Variants in TEAD1 observed in about 807,000 individuals in gnomAD.
TEAD1 encodes the protein transcriptional enhancer factor TEF-1.
TEAD1 carries 9 observed loss-of-function variants against 54.9 expected under a neutral mutation model. The ratio of observed to expected loss-of-function variants is 0.16; its 90% CI spans 0.10 to 0.29. The LOEUF is 0.29. Ranked by LOEUF, TEAD1 falls within the 10% of genes least tolerant of loss-of-function variation. TEAD1 has a pLI of 1.00. For missense variants in TEAD1, 387 were observed against 535.9 expected, an observed-to-expected ratio of 0.72 and a Z score of 2.74; for synonymous variants, 200 against 187.8, an observed-to-expected ratio of 1.07 and a Z score of -0.53.
intron 4 of TEAD1, among the ~76,000 whole-genome samples, chr11:12,863,022 AAGG>A (rs902101674): frequency 2.6e-5 from 4 of 152,102 alleles, no homozygotes; most frequent in African/African-American, 9.7e-5. Flanking sequence ...AAAAAAAAGA[AAGG>A]AGGAAAAAAA....
At chr11:12,918,661 C>T (rs531818514) in intron 10 of TEAD1, among the ~76,000 whole-genome samples, 3 of 152,280 alleles carry the variant, frequency 2.0e-5, no homozygotes, top group East Asian at 3.9e-4. Flanking sequence ...CCAACAGAAA[C>T]ACATCCATAT....
intron 2 of TEAD1, among the ~76,000 whole-genome samples, chr11:12,735,125 A>T (rs182241833): frequency 6.6e-6 from 1 of 152,232 alleles, no homozygotes. Context: ...CATTAGGGCC[A>T]GGCAGAAGTT....
At chr11:12,681,890 A>G (rs1475039028) in intron 2 of TEAD1, among the ~76,000 whole-genome samples, 1 of 152,194 alleles carries the variant, frequency 6.6e-6, no homozygotes, top group Admixed American at 6.5e-5. Flanking sequence ...GATGGTTCTG[A>G]CTGAAACCCA....
chr11:12,869,396 C>T (rs1325682275), intron 5 of TEAD1, among the ~76,000 whole-genome samples: 2 of 152,162 alleles, frequency 1.3e-5, no homozygotes, highest in Non-Finnish European at 2.9e-5. Context: ...TGCTCTCTGC[C>T]TGCTCTGTAG....
intron 10 of TEAD1, among the ~76,000 whole-genome samples, chr11:12,924,594 A>T (rs1434742168): frequency 6.6e-6 from 1 of 152,168 alleles, no homozygotes; most frequent in Admixed American, 6.5e-5. Context: ...AATCCAATTA[A>T]TATCCTGCTT....
In TEAD1 at chr11:12,681,156, C is replaced by T. The variant is rs147980387; in HGVS notation, c.-55+5595C>T. On this transcript the variant is annotated intron_variant, in intron 2 of 12. Transcript: ENST00000527636. Reference sequence around the variant, plus strand: ...ATCAGCCCCATCTTGAAATCCTGGGCACTTAGAAGACCTTGTCATGTATTG... The same window carrying T: ...ATCAGCCCCATCTTGAAATCCTGGGTACTTAGAAGACCTTGTCATGTATTG... Among the ~76,000 whole-genome samples, 53 of 152,248 alleles carry T rather than the reference C, an allele frequency of 3.5e-4. 1 individual carries two copies. The East Asian group carries it at 9.3e-3, about 27-fold the overall frequency.
chr11:12,899,762 C>T (rs1948388792), intron 9 of TEAD1, among the ~76,000 whole-genome samples: 1 of 152,182 alleles, frequency 6.6e-6, no homozygotes, highest in Non-Finnish European at 1.5e-5. Flanking sequence ...TCTCTTTCAC[C>T]TCACCTGATA....
At chr11:12,874,107 A>G (rs1427531658) in intron 5 of TEAD1, among the ~76,000 whole-genome samples, 1 of 152,210 alleles carries the variant, frequency 6.6e-6, no homozygotes, top group Admixed American at 6.5e-5. Context: ...ATCATGGCCC[A>G]TGAATAAACT....
chr11:12,714,701 T>C (rs545352012), intron 2 of TEAD1, among the ~76,000 whole-genome samples: 67 of 152,276 alleles, frequency 4.4e-4, no homozygotes, highest in African/African-American at 1.6e-3. Flanking sequence ...TATTTGCTCA[T>C]GGTTCTGGAG....
chr11:12,712,940 C>T (rs1436553534), intron 2 of TEAD1, among the ~76,000 whole-genome samples: 1 of 152,178 alleles, frequency 6.6e-6, no homozygotes, highest in African/African-American at 2.4e-5. Flanking sequence ...GGTCTTTAGC[C>T]TTCTGTCTAG....
At chr11:12,856,570 A>G (rs1947385373) in intron 3 of TEAD1, among the ~76,000 whole-genome samples, 1 of 152,126 alleles carries the variant, frequency 6.6e-6, no homozygotes, top group Admixed American at 6.5e-5. Flanking sequence ...AACATTCGAT[A>G]ATCTAGTAGT....
intron 3 of TEAD1, among the ~76,000 whole-genome samples, chr11:12,813,178 G>A (rs1369090173): frequency 6.6e-6 from 1 of 152,164 alleles, no homozygotes; most frequent in African/African-American, 2.4e-5. Context: ...GAGGCAGTGG[G>A]CAAACTGGGG....
intron 2 of TEAD1, among the ~76,000 whole-genome samples, chr11:12,753,274 C>T (rs1168608214): frequency 6.6e-6 from 1 of 152,184 alleles, no homozygotes; most frequent in African/African-American, 2.4e-5. Context: ...TCTTTAGCAT[C>T]TCTACCTGGG....
intron 2 of TEAD1, among the ~76,000 whole-genome samples, chr11:12,751,978 A>G (rs1944880605): frequency 6.6e-6 from 1 of 152,192 alleles, no homozygotes; most frequent in Non-Finnish European, 1.5e-5. Flanking sequence ...TGTTTGCTGT[A>G]GAACTTTCCT....
chr11:12,867,490 G>A (rs928079472), intron 5 of TEAD1, among the ~76,000 whole-genome samples: 7 of 152,180 alleles, frequency 4.6e-5, no homozygotes, highest in African/African-American at 1.7e-4. Flanking sequence ...CAGAGAGTGA[G>A]GCTGTCTGTC....
At chr11:12,801,477 C>T (rs1946059009) in intron 3 of TEAD1, among the ~76,000 whole-genome samples, 1 of 152,182 alleles carries the variant, frequency 6.6e-6, no homozygotes. Context: ...TGAGTACTTA[C>T]TATAGGCTAA....
intron 3 of TEAD1, among the ~76,000 whole-genome samples, chr11:12,833,945 G>A (rs1035049209): frequency 5.3e-5 from 8 of 152,156 alleles, no homozygotes; most frequent in South Asian, 2.1e-4. Context: ...TGCCTTGGGC[G>A]TGGGCTGTGT....
chr11:12,739,647 C>T (rs1406081483), intron 2 of TEAD1, among the ~76,000 whole-genome samples: 5 of 152,308 alleles, frequency 3.3e-5, no homozygotes, highest in Non-Finnish European at 7.4e-5. Flanking sequence ...TTCAAGGTCC[C>T]ATTTTATTAA....
chr11:12,683,377 C>G (rs767991689), intron 2 of TEAD1, among the ~76,000 whole-genome samples: 1 of 152,078 alleles, frequency 6.6e-6, no homozygotes, highest in Non-Finnish European at 1.5e-5. Flanking sequence ...TGGGTGTTGC[C>G]TTGAGGGTTG....
Sources: gnomAD v4.1 joint callset for allele counts (sites outside exome capture counted in the v4.1 genomes callset) on GRCh38, gnomAD v4.1.1 for gene constraint, MANE v1.5 for transcripts, NCBI Gene and HGNC (gene_info 2026-07-23, HGNC 2026-07-21) for gene names.